Variants in PLD5 observed in about 807,000 individuals in gnomAD.
PLD5 encodes phospholipase D family member 5.
In PLD5, 36 loss-of-function variants were observed where a neutral mutation model predicts 61.1. The ratio of observed to expected loss-of-function variants is 0.59; its 90% confidence interval spans 0.45 to 0.78. The LOEUF is 0.78. Among genes scored for constraint, PLD5 ranks in the 30% least tolerant of loss-of-function variants. The probability of loss-of-function intolerance (pLI) is 0.00; values close to 1 mark genes in which losing one functional copy is unlikely to be tolerated. For missense variants in PLD5, 515 were observed against 644.4 expected (o/e 0.80, Z 2.17); for synonymous variants, 243 against 242.8 (o/e 1.00, Z -0.01).
intron 9 of PLD5, among the ~76,000 whole-genome samples, chr1:242,095,957 TTTTTTTTC>T (rs1212495767): frequency 2.0e-5 from 3 of 151,952 alleles, no homozygotes; most frequent in Middle Eastern, 3.2e-3. Context: ...TATTCTCTCT[TTTTTTTTC>T]TTTTTTTTGA....
At chr1:242,410,700 T>C (rs1664499591) in intron 1 of PLD5, among the ~76,000 whole-genome samples, 1 of 152,166 alleles carries the variant, frequency 6.6e-6, no homozygotes, top group South Asian at 2.1e-4. Flanking sequence ...GTTCCATTAT[T>C]GGAACACTGA....
intron 1 of PLD5, among the ~76,000 whole-genome samples, chr1:242,476,816 A>C (rs956968532): frequency 6.6e-6 from 1 of 152,194 alleles, no homozygotes; most frequent in African/African-American, 2.4e-5. Flanking sequence ...CTTCCTGGGA[A>C]AATAATTCAC....
intron 2 of PLD5, among the ~76,000 whole-genome samples, chr1:242,296,385 T>C (rs2439066): frequency 6.6e-6 from 1 of 152,216 alleles, no homozygotes; most frequent in African/African-American, 2.4e-5. Context: ...GTTTAATTAA[T>C]TGCCATTAGT....
At chr1:242,164,168 A>G (rs911682541) in intron 5 of PLD5, among the ~76,000 whole-genome samples, 1 of 37,324 alleles carries the variant, frequency 2.7e-5, no homozygotes, top group African/African-American at 1.4e-4. Context: ...CTGAATGCAG[A>G]AAAAAAAAAA....
intron 1 of PLD5, among the ~76,000 whole-genome samples, chr1:242,498,572 T>G (rs1668451370): frequency 6.6e-6 from 1 of 152,252 alleles, no homozygotes; most frequent in Admixed American, 6.5e-5. Flanking sequence ...TTTATTCCCT[T>G]GCCTGGATGT....
intron 3 of PLD5, among the ~76,000 whole-genome samples, chr1:242,282,241 C>A (rs1266205038): frequency 6.6e-6 from 1 of 152,174 alleles, no homozygotes; most frequent in Admixed American, 6.5e-5. Flanking sequence ...GTTCTGTTAT[C>A]GCCCTGATTT....
chr1:242,336,642 G>T (rs1184597625), intron 2 of PLD5, among the ~76,000 whole-genome samples: 1 of 152,148 alleles, frequency 6.6e-6, no homozygotes, highest in East Asian at 1.9e-4. Context: ...ATATAAGAAA[G>T]TGTTAGCAGT....
intron 2 of PLD5, among the ~76,000 whole-genome samples, chr1:242,312,018 A>G (rs188102435): frequency 6.6e-6 from 1 of 151,904 alleles, no homozygotes; most frequent in Non-Finnish European, 1.5e-5. Context: ...GAATTTTTGA[A>G]ATCACTTATT....
intron 5 of PLD5, among the ~76,000 whole-genome samples, chr1:242,174,886 C>T (rs1222535540): frequency 2.6e-5 from 4 of 152,066 alleles, no homozygotes; most frequent in African/African-American, 9.7e-5. Flanking sequence ...ACGTCACACA[C>T]CGGGGCCGGT....
At chr1:242,352,665 C>T (rs1451187419) in intron 1 of PLD5, among the ~76,000 whole-genome samples, 1 of 152,090 alleles carries the variant, frequency 6.6e-6, no homozygotes, top group Non-Finnish European at 1.5e-5. Flanking sequence ...ACATTTCTTC[C>T]AACAGTGCAT....
At chr1:242,289,228 T>G (rs1287764462) in intron 2 of PLD5, among the ~76,000 whole-genome samples, 1 of 152,272 alleles carries the variant, frequency 6.6e-6, no homozygotes, top group Non-Finnish European at 1.5e-5. Context: ...ATCTGTTGTA[T>G]TGTCATACCT....
intron 2 of PLD5, among the ~76,000 whole-genome samples, chr1:242,321,306 T>C (rs1658390616): frequency 6.7e-6 from 1 of 149,556 alleles, no homozygotes; most frequent in Non-Finnish European, 1.5e-5. Flanking sequence ...TCTCTCTCTC[T>C]CTCTTTTTTT....
At chr1:242,212,408 G>A (rs1485892534) in intron 5 of PLD5, among the ~76,000 whole-genome samples, 4 of 152,198 alleles carry the variant, frequency 2.6e-5, no homozygotes, top group Admixed American at 2.0e-4. Flanking sequence ...CCAGAGCTGC[G>A]CGACCATGCG....
At chr1:242,260,021 T>C (rs934711291) in intron 4 of PLD5, among the ~76,000 whole-genome samples, 3 of 152,098 alleles carry the variant, frequency 2.0e-5, no homozygotes, top group African/African-American at 7.2e-5. Flanking sequence ...TCAAAGGCAT[T>C]TGCTGGGAGG....
intron 5 of PLD5, among the ~76,000 whole-genome samples, chr1:242,184,299 C>T (rs1419470692): frequency 6.6e-6 from 1 of 152,196 alleles, no homozygotes; most frequent in Non-Finnish European, 1.5e-5. Context: ...ATATCCACAG[C>T]ACCTACGTGA....
intron 1 of PLD5, among the ~76,000 whole-genome samples, chr1:242,466,539 T>C (rs1667282023): frequency 6.6e-6 from 1 of 152,142 alleles, no homozygotes; most frequent in Non-Finnish European, 1.5e-5. Context: ...CTGTACGACA[T>C]TAAGCTAAGT....
intron 1 of PLD5, among the ~76,000 whole-genome samples, chr1:242,370,748 G>A (rs764788272): frequency 3.9e-5 from 6 of 152,030 alleles, no homozygotes; most frequent in African/African-American, 1.4e-4. Flanking sequence ...TAAAAATTAC[G>A]CTTTCATGTT....
At chr1:242,329,740 T>G (rs1442158520) in intron 2 of PLD5, among the ~76,000 whole-genome samples, 1 of 152,176 alleles carries the variant, frequency 6.6e-6, no homozygotes, top group African/African-American at 2.4e-5. Context: ...GCACAGAGTT[T>G]GAGTAAGTTC....
intron 2 of PLD5, among the ~76,000 whole-genome samples, chr1:242,337,260 A>T (rs1479193202): frequency 3.3e-5 from 5 of 152,276 alleles, no homozygotes; most frequent in Admixed American, 3.3e-4. Context: ...TATAAACCTC[A>T]TGAGGCAGTA....
Sources: gnomAD v4.1 joint callset for allele counts (sites outside exome capture counted in the v4.1 genomes callset) on GRCh38, gnomAD v4.1.1 for gene constraint, MANE v1.5 for transcripts, NCBI Gene and HGNC (gene_info 2026-07-23, HGNC 2026-07-21) for gene names.